The following NBPF9 variants were observed in gnomAD, a reference collection of about 807,000 sequenced individuals.
NBPF9 encodes NBPF member 9, also known as NBPF family member NBPF9.
In NBPF9, 91 loss-of-function variants were observed where a neutral mutation model predicts 97.8. The ratio of observed to expected loss-of-function variants is 0.93; its 90% CI spans 0.79 to 1.11. The LOEUF (loss-of-function observed/expected upper bound fraction) is 1.11, where lower values mean the gene tolerates loss of function less well. Among genes scored for constraint, NBPF9 ranks in the 50% least tolerant of loss-of-function variants. The pLI is 0.00. For synonymous variants in NBPF9, 334 were observed against 359.5 expected (o/e 0.93, Z 0.80); for missense variants, 992 against 939.5 (o/e 1.06, Z -0.73).
At chr1:149,103,094 TGAG>T (rs2082253348) in intron 1 of NBPF9, among the ~76,000 whole-genome samples, 1 of 151,798 alleles carries the variant, frequency 6.6e-6, no homozygotes, top group African/African-American at 2.4e-5. Context: ...GCCCAAGAGA[TGAG>T]GGCTGCGGGC....
At chr1:149,067,963 C>G (rs1197536572) in intron 17 of NBPF9, among the ~76,000 whole-genome samples, 9 of 144,636 alleles carry the variant, frequency 6.2e-5, no homozygotes, top group Non-Finnish European at 1.2e-4. Flanking sequence ...CACATCCTCT[C>G]CAGCATCTTC....
At chr1:149,059,282 A>C in intron 25 of NBPF9, 185 bp from the exon 26 acceptor site, 1 of 480,446 alleles carries the variant, frequency 2.1e-6, no homozygotes, top group Non-Finnish European at 3.9e-6. Flanking sequence ...AATGAAAGAG[A>C]AAGACAGGGA....
At chr1:149,077,506 G>C (rs1227793202) in intron 10 of NBPF9, 87 bp from the exon 11 acceptor site, 1 of 1,576,666 alleles carries the variant, frequency 6.3e-7, no homozygotes, top group Non-Finnish European at 8.7e-7. Context: ...TTGACAGGCG[G>C]CATTAAGAGA....
At chr1:149,075,554 G>A in intron 12 of NBPF9, 101 bp downstream of exon 12, 2 of 1,402,412 alleles carry the variant, frequency 1.4e-6, no homozygotes, top group Non-Finnish European at 2.0e-6. Context: ...TAGAAGTATG[G>A]GGAGGATGAC....
intron 2 of NBPF9, among the ~76,000 whole-genome samples, 170 bp from the exon 3 acceptor site, chr1:149,101,549 C>T (rs1553663318): frequency 6.6e-6 from 1 of 152,216 alleles, no homozygotes. Context: ...GAAAAACAAG[C>T]ATATCAATGA....
chr1:149,075,422 T>A (rs1341832785), intron 12 of NBPF9, among the ~76,000 whole-genome samples: 1 of 152,210 alleles, frequency 6.6e-6, no homozygotes, highest in Non-Finnish European at 1.5e-5. Flanking sequence ...CAGAAATCAA[T>A]AAATGGCAGT....
In NBPF9 at chr1:149,073,939, G is replaced by A. The variant is rs2079633393; in HGVS notation, c.989-69C>T. Reference sequence around the variant, plus strand: ...TGCTGCTGTGGTCACTGCCTACAGGGCAGGAGCCAGGTCCATCCCAAGGAC... The same window carrying A: ...TGCTGCTGTGGTCACTGCCTACAGGACAGGAGCCAGGTCCATCCCAAGGAC... On this transcript the variant is annotated intron_variant, in intron 12 of 29. Transcript: ENST00000584027. The A allele has an allele frequency of 8.4e-6, 9 of 1,069,690 alleles. 1 individual carries two copies. Among genetic ancestry groups the A allele is most frequent in the Admixed American group, 1.7e-5 (1 of 57,424 alleles). The allele number at this position is 1,069,690 out of a possible 1,614,324, so 66.3% of individuals were successfully genotyped here.
Position 149,061,403 on chromosome 1 carries a change from G to A in NBPF9, c.2252-20C>T, listed in dbSNP as rs1242504192. On this transcript the variant is annotated intron_variant, in intron 22 of 29. Transcript: ENST00000584027. Reference sequence around the variant, plus strand: ...TAATTCCTGCAATACATTCAGACAGGGACAGACAAAATAAGCCAATTCACC... The same window carrying A: ...TAATTCCTGCAATACATTCAGACAGAGACAGACAAAATAAGCCAATTCACC... 8.0e-5 allele frequency: 31 copies of A among 388,688 alleles called. 9 individuals carry two copies. Among genetic ancestry groups the A allele is most frequent in the Non-Finnish European group, 1.3e-4 (29 of 219,914 alleles). The allele number at this position is 388,688 out of a possible 1,614,324, so 24.1% of individuals were successfully genotyped here. A position where few individuals can be genotyped will look rare whatever the true frequency, so the allele number is the denominator to read the frequency against.
intron 4 of NBPF9, among the ~76,000 whole-genome samples, chr1:149,097,760 A>G (rs1553245922): frequency 6.6e-6 from 1 of 152,100 alleles, no homozygotes; most frequent in African/African-American, 2.4e-5. Flanking sequence ...AGGGCATGGT[A>G]CCTAATAGTC....
intron 5 of NBPF9, among the ~76,000 whole-genome samples, chr1:149,085,013 T>C (rs1196022148): frequency 6.6e-6 from 1 of 152,126 alleles, no homozygotes; most frequent in East Asian, 1.9e-4. Flanking sequence ...GCGTTCCCAG[T>C]ACTGACCTCC....
intron 12 of NBPF9, among the ~76,000 whole-genome samples, chr1:149,074,745 A>C (rs1407803091): frequency 6.6e-6 from 1 of 151,318 alleles, no homozygotes; most frequent in Admixed American, 6.6e-5. Context: ...TCTGTGCCCC[A>C]GGAAGCAGGA....
At chr1:149,082,202 T>G in intron 6 of NBPF9, 28 bp from the exon 7 acceptor site, 1 of 1,602,422 alleles carries the variant, frequency 6.2e-7, no homozygotes, top group East Asian at 2.2e-5. Context: ...AAACATATGA[T>G]GGGTTAAAAA....
At chr1:149,095,632 A>G (rs2081702164) in intron 4 of NBPF9, among the ~76,000 whole-genome samples, 1 of 149,262 alleles carries the variant, frequency 6.7e-6, no homozygotes, top group African/African-American at 2.5e-5. Context: ...GCAAAAAAAA[A>G]AAAAAAAAAG....
intron 5 of NBPF9, among the ~76,000 whole-genome samples, chr1:149,085,631 G>C (rs1451111128): frequency 6.6e-6 from 1 of 152,022 alleles, no homozygotes; most frequent in Non-Finnish European, 1.5e-5. Flanking sequence ...TAGGGGCCTT[G>C]TACCTGCTTC....
At chr1:149,082,968 T>TTC (rs2080632426) in intron 5 of NBPF9, among the ~76,000 whole-genome samples, 1 of 126,674 alleles carries the variant, frequency 7.9e-6, no homozygotes, top group South Asian at 2.8e-4. Context: ...TTTTTTTTTT[T>TTC]TTTTTTTTTT....
rs782351699 is a variant in NBPF9, at chr1:149,069,934, TCAAA to T, written c.1586-293_1586-290del. ...CCCCAAAAAAATCTCCAAAAATTGG[TCAAA>T]CAATTTTCTAAGAGTGTTGCTGCGA... On this transcript the variant is annotated intron_variant, in intron 16 of 29. Transcript: ENST00000584027. Among the ~76,000 whole-genome samples the T allele has an allele frequency of 7.7e-5, 10 of 129,572 alleles. No homozygotes were observed. The East Asian group carries it at 2.3e-3, about 30-fold the overall frequency. The allele number at this position is 129,572 out of a possible 152,430, so 85.0% of individuals were successfully genotyped here.
intron 3 of NBPF9, 68 bp downstream of exon 3, chr1:149,101,194 C>T (rs1553663229): frequency 6.6e-6 from 1 of 151,588 alleles, no homozygotes; most frequent in Non-Finnish European, 1.5e-5. Context: ...CCAGACCAGC[C>T]TATGCAATGT....
chr1:149,071,979 C>A (rs2079448617), intron 14 of NBPF9, among the ~76,000 whole-genome samples: 1 of 148,402 alleles, frequency 6.7e-6, no homozygotes, highest in Non-Finnish European at 1.5e-5. Flanking sequence ...CCCATCCTGC[C>A]AGATCTGATT....
At position 149,073,371 on chromosome 1, in the gene NBPF9, G is replaced by A. The variant is rs1243329491; in HGVS notation, c.1091+397C>T. Among the ~76,000 whole-genome samples the A allele has an allele frequency of 3.5e-4, 50 of 141,122 alleles. 2 individuals are homozygous for A. The highest frequency in any genetic ancestry group is 3.4e-3 in the Admixed American group (48 of 13,936). The allele number at this position is 141,122 out of a possible 152,430, so 92.6% of individuals were successfully genotyped here. Reference sequence around the variant, plus strand: ...AAGAAGAAAAGAATGACAGGGTCGAGAAGGCAACATTGATTGAGTGAAAGA... The same window carrying A: ...AAGAAGAAAAGAATGACAGGGTCGAAAAGGCAACATTGATTGAGTGAAAGA... On this transcript the variant is annotated intron_variant, in intron 13 of 29. Coordinates refer to ENST00000584027, the Ensembl canonical transcript of NBPF9.
Sources: allele counts gnomAD v4.1 joint callset (sites outside exome capture counted in the v4.1 genomes callset), GRCh38; gene constraint gnomAD v4.1.1; transcripts MANE v1.5; gene names NCBI Gene and HGNC (gene_info 2026-07-23, HGNC 2026-07-21).